OOSP3: variants seen among roughly 807,000 people sequenced by gnomAD.
OOSP3 encodes the protein oocyte secreted protein family member 3, also known as oocyte-secreted protein 3.
intron 2 of OOSP3, among the ~76,000 whole-genome samples, chr11:59,886,985 G>C (rs1298955644): frequency 1.3e-5 from 2 of 151,892 alleles, no homozygotes; most frequent in South Asian, 2.1e-4. Context: ...AGTAGAGACT[G>C]GGTTTCACAA....
rs559802446 is a variant in OOSP3 at position 59,887,274 on chromosome 11, T to C, written c.253-6805T>C. ...CTTTTGCAGTGCAGAAGCTCTTTAG[T>C]TTAATTAGATCCCATTTGTCAATTT... is the stretch of plus-strand genomic sequence containing the variant. On this transcript the variant is annotated intron_variant, in intron 2 of 4. Transcript: ENST00000646438. Among the ~76,000 whole-genome samples, 4 of 152,322 alleles carry C rather than the reference T, an allele frequency of 2.6e-5. No individual in the cohort carries two copies. The East Asian group carries it at 5.8e-4, about 22-fold the overall frequency.
chr11:59,884,434 C>T (rs1245401881), intron 2 of OOSP3, among the ~76,000 whole-genome samples: 18 of 146,628 alleles, frequency 1.2e-4, no homozygotes, highest in Non-Finnish European at 2.1e-4. Flanking sequence ...TTTCTATATA[C>T]AAGATCATGT....
intron 1 of OOSP3, 127 bp downstream of exon 1, chr11:59,879,008 T>C: frequency 5.0e-6 from 2 of 396,508 alleles, no homozygotes; most frequent in Non-Finnish European, 8.9e-6. Context: ...GTAGTGGTAT[T>C]GCTTTCTCTT....
At chr11:59,888,691 C>T (rs1043048520) in intron 2 of OOSP3, among the ~76,000 whole-genome samples, 1 of 152,122 alleles carries the variant, frequency 6.6e-6, no homozygotes. Context: ...TTGCTAGATT[C>T]AGTTTGCCAG....
In OOSP3 at chr11:59,896,113, C is replaced by T. The variant is rs1176018865; in HGVS notation, c.502-20C>T. 5.0e-6 allele frequency: 2 copies of T among 398,156 alleles called. No individual in the cohort carries two copies. The highest frequency in any genetic ancestry group is 8.9e-6 in the Non-Finnish European group (2 of 225,840). The allele number at this position is 398,156 out of a possible 1,614,324, so 24.7% of individuals were successfully genotyped here. ...TACATTGGAAACTTTTTATTAACTA[C>T]CTTTCTTTTTTCTCTGTAGGTAGAG... On this transcript the variant is annotated intron_variant, in intron 4 of 4. Transcript: ENST00000646438.
At chr11:59,896,389 A>G (rs890967995) in exon 5 of OOSP3, 1 of 382,964 alleles carries the variant, frequency 2.6e-6, no homozygotes, top group East Asian at 3.7e-5. Context: ...AACATAGGCC[A>G]TTATACCCTT....
chr11:59,885,023 C>G lies in OOSP3; in HGVS notation c.252+4584C>G, dbSNP rs73490947. Among the ~76,000 whole-genome samples the G allele has an allele frequency of 5.4e-3, 828 of 152,302 alleles. 6 individuals carry two copies. Among genetic ancestry groups the G allele is most frequent in the African/African-American group, 0.018 (742 of 41,564 alleles). On this transcript the variant is annotated intron_variant, in intron 2 of 4. Coordinates refer to ENST00000646438, the Ensembl canonical transcript of OOSP3. ...TGGCTGTGGGATTTTCACAGGTGCT[C>G]TTAATCAGGTTGAGGACGTGCCCTT... is the stretch of plus-strand genomic sequence containing the variant.
intron 2 of OOSP3, among the ~76,000 whole-genome samples, chr11:59,890,378 T>G (rs540300677): frequency 6.6e-6 from 1 of 152,348 alleles, no homozygotes; most frequent in East Asian, 1.9e-4. Flanking sequence ...GTGTCATTGG[T>G]CTGTGTACTT....
At chr11:59,886,731 A>G (rs1853263135) in intron 2 of OOSP3, among the ~76,000 whole-genome samples, 1 of 149,592 alleles carries the variant, frequency 6.7e-6, no homozygotes, top group Non-Finnish European at 1.5e-5. Flanking sequence ...TTGAGCTTTT[A>G]TGTTTTTTGG....
chr11:59,887,376 G>A (rs552876256), intron 2 of OOSP3, among the ~76,000 whole-genome samples: 1 of 152,014 alleles, frequency 6.6e-6, no homozygotes, highest in South Asian at 2.1e-4. Flanking sequence ...TTGCACATGT[G>A]TATGACCTGA....
intron 2 of OOSP3, among the ~76,000 whole-genome samples, chr11:59,889,382 T>G (rs1286447741): frequency 1.3e-5 from 2 of 152,150 alleles, no homozygotes; most frequent in Non-Finnish European, 2.9e-5. Context: ...CTTTTTAGTT[T>G]TGATGTTAGG....
chr11:59,885,682 G>C (rs1853249323), intron 2 of OOSP3, among the ~76,000 whole-genome samples: 1 of 152,074 alleles, frequency 6.6e-6, no homozygotes, highest in Non-Finnish European at 1.5e-5. Context: ...ACTATTCCAT[G>C]GTGCATATGT....
In OOSP3 at chr11:59,896,200, T is replaced by C. The variant is rs1367318994; in HGVS notation, c.569T>C (p.Val190Ala). ...CCATTAGTCCATGAGAGTGCAAATG[T>C]AGCTATATTCTAGGTTCTTCCATGG... Residue 190 changes from valine (V) to alanine (A), a missense_variant, in exon 5 of 5, where the codon GTA becomes GCA. Transcript: ENST00000646438. 8 of 398,468 alleles carry C rather than the reference T, an allele frequency of 2.0e-5. No homozygotes were observed. In the South Asian group the frequency reaches 5.1e-4, roughly 25 times the overall value. 24.7% of individuals were successfully genotyped at this position (398,468 alleles called of 1,614,324 possible). A position where few individuals can be genotyped will look rare whatever the true frequency, so the allele number is the denominator to read the frequency against.
rs1304371263 is a variant in OOSP3 at position 59,881,352 on chromosome 11, G to A, written c.252+913G>A. ...TGCACCCCAGCCTGGGTGACAGAGCGAGACTATCTCAAAAAAAAAAAAAAA... is the reference window on the plus strand; with the variant it reads ...TGCACCCCAGCCTGGGTGACAGAGCAAGACTATCTCAAAAAAAAAAAAAAA... On this transcript the variant is annotated intron_variant, in intron 2 of 4. Coordinates refer to ENST00000646438, the Ensembl canonical transcript of OOSP3. 2.7e-5 allele frequency among the ~76,000 whole-genome samples: 4 copies of A among 148,984 alleles called. No homozygotes were observed. The East Asian group carries it at 5.9e-4, about 22-fold the overall frequency.
At chr11:59,886,214 G>C (rs1419668659) in intron 2 of OOSP3, among the ~76,000 whole-genome samples, 1 of 152,160 alleles carries the variant, frequency 6.6e-6, no homozygotes, top group South Asian at 2.1e-4. Context: ...TCCCTGCAAA[G>C]GACATGATCT....
chr11:59,894,374 C>G (rs1252010955), intron 3 of OOSP3, among the ~76,000 whole-genome samples, 198 bp downstream of exon 3: 1 of 152,214 alleles, frequency 6.6e-6, no homozygotes, highest in Admixed American at 6.5e-5. Flanking sequence ...TGGGACCCCC[C>G]CTTAATATTT....
intron 2 of OOSP3, among the ~76,000 whole-genome samples, chr11:59,892,524 GT>G (rs1853321663): frequency 6.6e-6 from 1 of 152,070 alleles, no homozygotes; most frequent in African/African-American, 2.4e-5. Flanking sequence ...TGAAGCACTG[GT>G]TCTAATTCTT....
At chr11:59,895,505 A>G (rs971375637) in exon 4 of OOSP3, 1 of 398,252 alleles carries the variant, frequency 2.5e-6, no homozygotes, top group African/African-American at 2.1e-5. Flanking sequence ...CTTTCAGCTC[A>G]TCTTTGGATA....
At position 59,894,147 on chromosome 11, in the gene OOSP3, CA is replaced by C. The variant is rs760967775; in HGVS notation, c.325del (p.Ile109PhefsTer3). The stretch of plus-strand genomic sequence containing the variant: ...ATATAATGCACAAAGGAGTCACTGG[CA>C]AAATTCCTTTGATGTGTATTGTATA... On this transcript the variant is annotated frameshift_variant, in exon 3 of 5. Coordinates refer to ENST00000646438, the Ensembl canonical transcript of OOSP3. LOFTEE classifies it high-confidence loss of function. The C allele has an allele frequency of 4.0e-5, 16 of 398,374 alleles. No homozygotes were observed. The highest frequency in any genetic ancestry group is 6.2e-5 in the Non-Finnish European group (14 of 226,044). 24.7% of individuals were successfully genotyped at this position (398,374 alleles called of 1,614,324 possible). A position where few individuals can be genotyped will look rare whatever the true frequency, so the allele number is the denominator to read the frequency against.
Sources: allele counts gnomAD v4.1 joint callset (sites outside exome capture counted in the v4.1 genomes callset), GRCh38; gene constraint gnomAD v4.1.1; transcripts MANE v1.5; gene names NCBI Gene and HGNC (gene_info 2026-07-23, HGNC 2026-07-21).